Variants in STAG1 observed in about 807,000 individuals in gnomAD.
STAG1 encodes cohesin subunit SA-1.
STAG1 carries 26 observed loss-of-function variants against 170.9 expected under a neutral mutation model. That is an observed-to-expected ratio of 0.15 (90% CI 0.11 to 0.21). STAG1 has a LOEUF of 0.21. Among genes scored for constraint, STAG1 ranks in the 10% least tolerant of loss-of-function variants. The probability of loss-of-function intolerance (pLI) is 1.00; values close to 1 mark genes in which losing one functional copy is unlikely to be tolerated. For synonymous variants in STAG1, 514 were observed against 497.7 expected (o/e 1.03, Z -0.44); for missense variants, 964 against 1,509.5 (o/e 0.64, Z 5.99).
intron 28 of STAG1, among the ~76,000 whole-genome samples, chr3:136,351,673 T>C (rs1936438638): frequency 1.3e-5 from 2 of 152,154 alleles, no homozygotes; most frequent in Non-Finnish European, 1.5e-5. Flanking sequence ...GAAGCCAGGC[T>C]TAAAAATAAA....
chr3:136,721,591 T>C (rs1208700266), intron 1 of STAG1: 1 of 152,090 alleles, frequency 6.6e-6, no homozygotes, highest in Admixed American at 6.6e-5. Context: ...AAAGTGGTAT[T>C]AAGAATTACA....
intron 6 of STAG1, 138 bp from the exon 7 acceptor site, chr3:136,521,555 T>G: frequency 1.6e-6 from 1 of 632,232 alleles, no homozygotes; most frequent in South Asian, 2.1e-5. Context: ...CATAGCACAT[T>G]TGATTGCTTT....
At chr3:136,596,415 G>GT (rs956032083) in intron 4 of STAG1, among the ~76,000 whole-genome samples, 3 of 151,640 alleles carry the variant, frequency 2.0e-5, no homozygotes, top group African/African-American at 4.8e-5. Context: ...ACGTACATTG[G>GT]TTTTTTTTCA....
At chr3:136,720,885 G>C (rs1382504784) in intron 1 of STAG1, among the ~76,000 whole-genome samples, 1 of 152,178 alleles carries the variant, frequency 6.6e-6, no homozygotes, top group African/African-American at 2.4e-5. Context: ...ATAGTTTACA[G>C]AGCACTGTTA....
chr3:136,539,974 T>C (rs139880496), intron 6 of STAG1, among the ~76,000 whole-genome samples: 11 of 152,220 alleles, frequency 7.2e-5, no homozygotes, highest in African/African-American at 2.4e-4. Context: ...GATTATTCCT[T>C]GAGAATTAGA....
rs1332593234 is a variant in STAG1 at position 136,623,258 on chromosome 3, GTTATA to G, written c.30-15_30-11del. On this transcript the variant is annotated splice_polypyrimidine_tract_variant and intron_variant, in intron 2 of 33. Transcript: ENST00000383202. ...TTCATTAGTTGAATCCCTAGAAAAT[GTTATA>G]TTATTTTAGCGAACAAATTAATAAG... The G allele has an allele frequency of 8.7e-6, 14 of 1,607,980 alleles. No individual in the cohort carries two copies. Among genetic ancestry groups the G allele is most frequent in the Non-Finnish European group, 1.2e-5 (14 of 1,176,570 alleles).
intron 1 of STAG1, among the ~76,000 whole-genome samples, chr3:136,662,115 A>G (rs1941603102): frequency 6.6e-6 from 1 of 151,186 alleles, no homozygotes; most frequent in South Asian, 2.1e-4. Flanking sequence ...CCAATTTTCC[A>G]GTTTACTAAT....
chr3:136,570,437 T>C (rs1382477733), intron 4 of STAG1, among the ~76,000 whole-genome samples: 2 of 152,234 alleles, frequency 1.3e-5, no homozygotes, highest in East Asian at 3.8e-4. Context: ...ATCACCCATT[T>C]TACTGTTGAG....
At chr3:136,445,006 G>T (rs373042552) in intron 14 of STAG1, among the ~76,000 whole-genome samples, 1 of 150,456 alleles carries the variant, frequency 6.6e-6, no homozygotes, top group Admixed American at 6.6e-5. Flanking sequence ...GACTATAGGA[G>T]TGTGCTACCC....
intron 1 of STAG1, among the ~76,000 whole-genome samples, chr3:136,661,019 A>C: frequency 6.6e-6 from 1 of 152,142 alleles, no homozygotes; most frequent in East Asian, 1.9e-4. Context: ...TTAACTATTA[A>C]AGCAGAAATT....
chr3:136,349,457 T>C, intron 28 of STAG1, 94 bp from the exon 29 acceptor site: 1 of 893,198 alleles, frequency 1.1e-6, no homozygotes, highest in Non-Finnish European at 1.8e-6. Flanking sequence ...CTGCAGGTTC[T>C]GAAGAATACC....
intron 4 of STAG1, among the ~76,000 whole-genome samples, chr3:136,576,117 G>A (rs558683621): frequency 4.6e-5 from 7 of 152,138 alleles, no homozygotes; most frequent in African/African-American, 7.2e-5. Flanking sequence ...ATAAAGGAAC[G>A]TTTCACTAAA....
chr3:136,466,484 CA>C (rs2089464244), intron 12 of STAG1, among the ~76,000 whole-genome samples: 1 of 152,076 alleles, frequency 6.6e-6, no homozygotes, highest in African/African-American at 2.4e-5. Context: ...ACAAAGCCTC[CA>C]AGAAATATGG....
At chr3:136,530,017 C>G (rs189641314) in intron 6 of STAG1, among the ~76,000 whole-genome samples, 1 of 152,162 alleles carries the variant, frequency 6.6e-6, no homozygotes, top group Admixed American at 6.6e-5. Context: ...AAGACACATA[C>G]AGACTGAAAC....
chr3:136,502,501 C>T, intron 8 of STAG1, 127 bp downstream of exon 8: 1 of 1,031,998 alleles, frequency 9.7e-7, no homozygotes, highest in Admixed American at 2.6e-5. Context: ...CATTTGGAAA[C>T]CCTGACATCA....
chr3:136,472,356 C>A, intron 12 of STAG1, 57 bp downstream of exon 12: 1 of 1,302,022 alleles, frequency 7.7e-7, no homozygotes, highest in Non-Finnish European at 1.1e-6. Flanking sequence ...ATTAAAAATC[C>A]TGGGGAAAAG....
chr3:136,659,185 A>C (rs938131164), intron 1 of STAG1, among the ~76,000 whole-genome samples: 1 of 152,246 alleles, frequency 6.6e-6, no homozygotes, highest in East Asian at 1.9e-4. Flanking sequence ...ACAACAGTAA[A>C]ATAAGGAAAA....
At chr3:136,447,979 A>T (rs2088832959) in intron 14 of STAG1, among the ~76,000 whole-genome samples, 1 of 152,128 alleles carries the variant, frequency 6.6e-6, no homozygotes, top group South Asian at 2.1e-4. Flanking sequence ...CAGACTTATC[A>T]CATTCAAGTA....
chr3:136,588,366 C>T (rs918617620), intron 4 of STAG1, among the ~76,000 whole-genome samples: 10 of 152,022 alleles, frequency 6.6e-5, no homozygotes, highest in Admixed American at 2.0e-4. Context: ...GATGGAGTTT[C>T]GCTCTTGATG....
Sources: gnomAD v4.1 joint callset for allele counts (sites outside exome capture counted in the v4.1 genomes callset) on GRCh38, gnomAD v4.1.1 for gene constraint, MANE v1.5 for transcripts, NCBI Gene and HGNC (gene_info 2026-07-23, HGNC 2026-07-21) for gene names.